The following ITIH2 variants were observed in gnomAD, a reference collection of about 807,000 sequenced individuals.
The protein encoded by ITIH2 is inter-alpha-trypsin inhibitor heavy chain H2.
In ITIH2, 103 loss-of-function variants were observed where a neutral mutation model predicts 104.4. That is an observed-to-expected ratio of 0.99 (90% CI 0.84 to 1.16). The LOEUF is 1.16. Among genes scored for constraint, ITIH2 ranks in the 50% most tolerant of loss-of-function variants. The probability of loss-of-function intolerance (pLI) is 0.00; values close to 1 mark genes in which losing one functional copy is unlikely to be tolerated. For missense variants in ITIH2, 1,108 were observed against 1,162.4 expected, an observed-to-expected ratio of 0.95 and a Z score of 0.68; for synonymous variants, 436 against 435.4, an observed-to-expected ratio of 1.00 and a Z score of -0.02.
chr10:7,736,833 T>A (rs550533554), intron 15 of ITIH2, among the ~76,000 whole-genome samples: 29 of 152,308 alleles, frequency 1.9e-4, no homozygotes, highest in African/African-American at 6.7e-4. Flanking sequence ...GAAGTCCTGA[T>A]AAATATTGGT....
chr10:7,734,517 A>AAAGCC (rs1835033993), intron 14 of ITIH2, among the ~76,000 whole-genome samples: 1 of 152,228 alleles, frequency 6.6e-6, no homozygotes, highest in South Asian at 2.1e-4. Flanking sequence ...CAACATGGCA[A>AAAGCC]AAGCCCATCT....
In ITIH2 at chr10:7,709,070, A is replaced by G. The variant is rs774193561; in HGVS notation, c.241A>G (p.Ile81Val). ...TLYSYKVQST[I>V]TSRMATTMIQ... Reference sequence around the variant, plus strand: ...TTATAGCTATAAAGTCCAGTCTACTATTACTTCTCGGATGGCCACCACCAT... The same window carrying G: ...TTATAGCTATAAAGTCCAGTCTACTGTTACTTCTCGGATGGCCACCACCAT... Residue 81 changes from isoleucine (I) to valine (V), a missense_variant, in exon 4 of 21, where the codon ATT becomes GTT. Ile to Val is a conservative substitution (Grantham distance 29, BLOSUM62 3). Transcript: ENST00000358415. 2.7e-5 allele frequency: 43 copies of G among 1,614,072 alleles called. No homozygotes were observed. The highest frequency in any genetic ancestry group is 3.4e-5 in the Non-Finnish European group (40 of 1,179,946).
At chr10:7,727,152 T>G in intron 10 of ITIH2, 34 bp downstream of exon 10, 2 of 1,554,188 alleles carry the variant, frequency 1.3e-6, no homozygotes, top group Non-Finnish European at 1.8e-6. Context: ...AAGGAGACAC[T>G]TCCTCTGGGT....
chr10:7,739,307 T>A (rs1835102192), intron 16 of ITIH2, among the ~76,000 whole-genome samples: 2 of 152,316 alleles, frequency 1.3e-5, no homozygotes, highest in South Asian at 2.1e-4. Flanking sequence ...GTGTGCAGCT[T>A]TTCTTTCCTT....
At chr10:7,722,434 G>A (rs1367287770) in intron 8 of ITIH2, among the ~76,000 whole-genome samples, 1 of 152,176 alleles carries the variant, frequency 6.6e-6, no homozygotes, top group African/African-American at 2.4e-5. Flanking sequence ...AGGATGGTCA[G>A]GAGTCCAGCT....
intron 20 of ITIH2, among the ~76,000 whole-genome samples, chr10:7,748,582 C>A (rs1217900691): frequency 9.0e-6 from 1 of 111,260 alleles, no homozygotes; most frequent in Non-Finnish European, 1.7e-5. Flanking sequence ...TGCTCTGTCG[C>A]CCAGGCTGGA....
At chr10:7,718,719 T>C (rs1443657199) in intron 6 of ITIH2, among the ~76,000 whole-genome samples, 9 of 152,136 alleles carry the variant, frequency 5.9e-5, no homozygotes. Flanking sequence ...AACTGTTCCT[T>C]TCTTTGTGTC....
At chr10:7,730,305 C>A (rs1227664469) in intron 12 of ITIH2, among the ~76,000 whole-genome samples, 172 bp downstream of exon 12, 1 of 152,160 alleles carries the variant, frequency 6.6e-6, no homozygotes, top group Non-Finnish European at 1.5e-5. Context: ...TGTTTCCCCC[C>A]ACCCTCATAT....
At chr10:7,721,932 C>T (rs570966433) in intron 8 of ITIH2, among the ~76,000 whole-genome samples, 155 bp downstream of exon 8, 207 of 152,186 alleles carry the variant, frequency 1.4e-3, no homozygotes, top group African/African-American at 4.7e-3. Flanking sequence ...TTGAATATAC[C>T]GCTAAGCATT....
At chr10:7,738,209 T>C (rs1388389043) in intron 15 of ITIH2, among the ~76,000 whole-genome samples, 81 of 98,292 alleles carry the variant, frequency 8.2e-4, no homozygotes, top group African/African-American at 2.9e-3. Flanking sequence ...AAATATTATA[T>C]ATTATATTCT....
At chr10:7,740,203 G>T (rs1486595017) in intron 16 of ITIH2, among the ~76,000 whole-genome samples, 2 of 152,220 alleles carry the variant, frequency 1.3e-5, no homozygotes, top group African/African-American at 4.8e-5. Context: ...AATAGGATAA[G>T]ATAAAACAGG....
Position 7,705,234 on chromosome 10 carries a change from G to A in ITIH2, c.159+52G>A, listed in dbSNP as rs1834735787. The stretch of plus-strand genomic sequence containing the variant: ...GGGAAAAAAAGTGAAAGAGATTATG[G>A]CAGAAGAAGACAAGTGTTAAGATGC... On this transcript the variant is annotated intron_variant, in intron 2 of 20. Coordinates refer to ENST00000358415, the MANE Select transcript of ITIH2 (RefSeq NM_002216.3). The A allele has an allele frequency of 4.0e-6, 5 of 1,257,152 alleles. No individual in the cohort carries two copies. In the Admixed American group the frequency reaches 9.3e-5, roughly 23 times the overall value. 77.9% of individuals were successfully genotyped at this position (1,257,152 alleles called of 1,614,324 possible). A position where few individuals can be genotyped will look rare whatever the true frequency, so the allele number is the denominator to read the frequency against.
rs772870837 is a variant in ITIH2, at chr10:7,730,096, G to A, written c.1424G>A (p.Arg475Lys). 4.4e-6 allele frequency: 7 copies of A among 1,608,640 alleles called. No homozygotes were observed. In the Admixed American group the frequency reaches 6.8e-5, roughly 16 times the overall value. The change falls in exon 12 of 21, where the codon AGG (arginine) becomes AAG (lysine). Residue 475 changes from arginine to lysine, a missense_variant. Arg to Lys is a conservative substitution (Grantham distance 26). Coordinates refer to ENST00000358415, the MANE Select transcript of ITIH2 (RefSeq NM_002216.3). ...AATGAAAACCATGGAATTGCACAAA[G>A]GATTTATGGAAACCAGGACACGTCT... The part of the protein sequence containing the change: ...LSNENHGIAQ[R>K]IYGNQDTSSQ...
chr10:7,723,397 C>A, intron 8 of ITIH2, 54 bp from the exon 9 acceptor site: 1 of 1,172,460 alleles, frequency 8.5e-7, no homozygotes, highest in Non-Finnish European at 1.3e-6. Context: ...CCCCATCTTC[C>A]TACCTTCTAA....
At chr10:7,738,221 TATA>T (rs1172380888) in intron 15 of ITIH2, among the ~76,000 whole-genome samples, 2 of 81,958 alleles carry the variant, frequency 2.4e-5, no homozygotes, top group African/African-American at 8.1e-5. Context: ...TTATATTCTA[TATA>T]ATATTATATA....
chr10:7,736,241 C>A (rs963333289), intron 15 of ITIH2, among the ~76,000 whole-genome samples: 1 of 152,044 alleles, frequency 6.6e-6, no homozygotes, highest in Admixed American at 6.5e-5. Flanking sequence ...GTGGCACATG[C>A]CCATAGTCCC....
At chr10:7,737,502 T>TTGTATTCTATATATTATATACTA (rs969523947) in intron 15 of ITIH2, among the ~76,000 whole-genome samples, 2 of 138,096 alleles carry the variant, frequency 1.4e-5, no homozygotes, top group African/African-American at 5.4e-5. Flanking sequence ...TATATATATT[T>TTGTATTCTATATATTATATACTA]TGTATTCTAT....
rs1298189843 is a variant in ITIH2, at chr10:7,737,677, TTTTC to T, written c.1958-942_1958-939del. On this transcript the variant is annotated intron_variant, in intron 15 of 20. Coordinates refer to ENST00000358415, the MANE Select transcript of ITIH2 (RefSeq NM_002216.3). ...ATTATATTCTATATTATATTCTATA[TTTTC>T]TATATTATATTCTATATAATATTCT... Among the ~76,000 whole-genome samples the T allele has an allele frequency of 1.6e-3, 40 of 25,666 alleles. 6 individuals are homozygous for T. The highest frequency in any genetic ancestry group is 8.0e-3 in the East Asian group (4 of 498). The allele number at this position is 25,666 out of a possible 152,430, so 16.8% of individuals were successfully genotyped here.
At chr10:7,724,717 C>T (rs964267882) in intron 9 of ITIH2, among the ~76,000 whole-genome samples, 2 of 151,924 alleles carry the variant, frequency 1.3e-5, no homozygotes, top group Admixed American at 1.3e-4. Flanking sequence ...TGGATGGGGT[C>T]ATTCCTTGTT....
Sources: gnomAD v4.1 joint callset for allele counts (sites outside exome capture counted in the v4.1 genomes callset) on GRCh38, gnomAD v4.1.1 for gene constraint, MANE v1.5 for transcripts, NCBI Gene and HGNC (gene_info 2026-07-23, HGNC 2026-07-21) for gene names.